THSD7B: variants seen among roughly 807,000 people sequenced by gnomAD.
THSD7B encodes the protein thrombospondin type-1 domain-containing protein 7B.
A neutral mutation model predicts 213.6 loss-of-function variants in THSD7B; 138 were observed. That is an observed-to-expected ratio of 0.65 (90% confidence interval 0.56 to 0.74). The LOEUF (loss-of-function observed/expected upper bound fraction) is 0.74. Among genes scored for constraint, THSD7B ranks in the 30% least tolerant of loss-of-function variants. The pLI is 0.00. For missense variants in THSD7B, 1,931 were observed against 1,991.5 expected (o/e 0.97, Z 0.58); for synonymous variants, 742 against 687.0 (o/e 1.08, Z -1.25).
chr2:137,426,096 A>G (rs577968942), intron 14 of THSD7B, among the ~76,000 whole-genome samples: 8 of 152,218 alleles, frequency 5.3e-5, no homozygotes, highest in Non-Finnish European at 8.8e-5. Flanking sequence ...CATTTTAAGA[A>G]TAAAATACTT....
chr2:137,155,126 A>G (rs1001264699), intron 5 of THSD7B, among the ~76,000 whole-genome samples: 1 of 152,278 alleles, frequency 6.6e-6, no homozygotes, highest in Non-Finnish European at 1.5e-5. Context: ...CTTGGCATTT[A>G]GAAAGATGCC....
intron 5 of THSD7B, among the ~76,000 whole-genome samples, chr2:137,126,382 C>G (rs1047766267): frequency 3.1e-4 from 47 of 152,174 alleles, no homozygotes; most frequent in African/African-American, 1.1e-3. Flanking sequence ...TCACTTTGCA[C>G]CTTTTTGCTA....
At chr2:137,501,186 C>G (rs1286971964) in intron 15 of THSD7B, among the ~76,000 whole-genome samples, 1 of 151,482 alleles carries the variant, frequency 6.6e-6, no homozygotes, top group East Asian at 1.9e-4. Context: ...GCATCTGCCC[C>G]TTTTGGAATA....
At chr2:136,948,029 T>C (rs1684973537) in intron 2 of THSD7B, among the ~76,000 whole-genome samples, 1 of 152,166 alleles carries the variant, frequency 6.6e-6, no homozygotes, top group African/African-American at 2.4e-5. Context: ...GCACTCTGAG[T>C]TTACATGACC....
intron 7 of THSD7B, among the ~76,000 whole-genome samples, chr2:137,179,190 T>C (rs189776561): frequency 1.3e-5 from 2 of 152,300 alleles, no homozygotes; most frequent in East Asian, 3.9e-4. Flanking sequence ...AATGTGAGAT[T>C]GTCACCCTTG....
chr2:137,588,654 A>G (rs1238739824), intron 17 of THSD7B, among the ~76,000 whole-genome samples: 2 of 152,050 alleles, frequency 1.3e-5, no homozygotes, highest in Admixed American at 1.3e-4. Flanking sequence ...AGTCTCATGT[A>G]TCTGTGATTA....
intron 12 of THSD7B, among the ~76,000 whole-genome samples, chr2:137,277,020 G>T (rs750306250): frequency 6.6e-6 from 1 of 151,860 alleles, no homozygotes; most frequent in African/African-American, 2.4e-5. Context: ...CTAAATTATT[G>T]TAATAATATA....
Position 137,411,722 on chromosome 2 carries a change from T to C in THSD7B, c.2809T>C (p.Cys937Arg). Reference sequence around the variant, plus strand: ...CCAACCTTATGGAAACTGGTCAGATTGCATTCTTCCAGAAGGCAGAAGGGA... The same window carrying C: ...CCAACCTTATGGAAACTGGTCAGATCGCATTCTTCCAGAAGGCAGAAGGGA... ...ISQPYGNWSD[C>R]ILPEGRREPH... The change falls in exon 14 of 28, where the codon TGC (cysteine) becomes CGC (arginine). Residue 937 changes from cysteine to arginine, a missense_variant. Cys to Arg is a radical substitution (Grantham distance 180). Coordinates refer to ENST00000409968, the MANE Select transcript of THSD7B (RefSeq NM_001316349.2). The C allele has an allele frequency of 6.2e-7, 1 of 1,613,970 alleles. No individual in the cohort carries two copies. The highest frequency in any genetic ancestry group is 1.1e-5 in the South Asian group (1 of 91,088).
intron 12 of THSD7B, among the ~76,000 whole-genome samples, chr2:137,384,738 TC>T (rs1685854720): frequency 6.6e-6 from 1 of 152,060 alleles, no homozygotes; most frequent in African/African-American, 2.4e-5. Flanking sequence ...TTTCAGGTGC[TC>T]CCTGAGTTCT....
chr2:137,404,674 C>T (rs1003590897), intron 12 of THSD7B, among the ~76,000 whole-genome samples: 2 of 150,146 alleles, frequency 1.3e-5, no homozygotes, highest in African/African-American at 4.9e-5. Context: ...ATTACTCAAC[C>T]ATAAAAAGGA....
chr2:137,626,463 CAAAA>C (rs34778966), intron 20 of THSD7B, among the ~76,000 whole-genome samples: 10 of 93,622 alleles, frequency 1.1e-4, no homozygotes, highest in African/African-American at 1.5e-4. Flanking sequence ...GACTCTGTCT[CAAAA>C]AAAAAAAAAA....
intron 20 of THSD7B, among the ~76,000 whole-genome samples, chr2:137,638,774 G>T (rs953552163): frequency 1.3e-5 from 2 of 152,152 alleles, no homozygotes; most frequent in Non-Finnish European, 2.9e-5. Context: ...GAGGAAAGGT[G>T]ACTCTTGTTA....
intron 1 of THSD7B, among the ~76,000 whole-genome samples, chr2:136,842,562 T>C (rs1682936525): frequency 6.6e-6 from 1 of 152,200 alleles, no homozygotes; most frequent in African/African-American, 2.4e-5. Flanking sequence ...CTCAGGGTTA[T>C]TAGGAGAATA....
chr2:137,073,417 G>A (rs1372725050), intron 3 of THSD7B, among the ~76,000 whole-genome samples: 1 of 152,130 alleles, frequency 6.6e-6, no homozygotes, highest in Non-Finnish European at 1.5e-5. Flanking sequence ...ATTCTCTGAT[G>A]GTAGTTTGTA....
chr2:136,960,237 C>T (rs978528204), intron 2 of THSD7B, among the ~76,000 whole-genome samples: 2 of 152,078 alleles, frequency 1.3e-5, no homozygotes, highest in South Asian at 2.1e-4. Context: ...AAGTGATCCC[C>T]GCACCACAAC....
At chr2:136,793,893 GC>G (rs1682013051) in intron 1 of THSD7B, among the ~76,000 whole-genome samples, 1 of 151,614 alleles carries the variant, frequency 6.6e-6, no homozygotes, top group South Asian at 2.1e-4. Flanking sequence ...CATTTGTAAA[GC>G]CTTCTGGGCT....
chr2:137,195,351 A>G (rs183471701), intron 7 of THSD7B, among the ~76,000 whole-genome samples: 47 of 151,346 alleles, frequency 3.1e-4, no homozygotes, highest in African/African-American at 1.1e-3. Flanking sequence ...CAGTAGCAAC[A>G]AGCCACTCCT....
intron 14 of THSD7B, among the ~76,000 whole-genome samples, chr2:137,416,251 C>G (rs536519293): frequency 2.3e-4 from 35 of 152,254 alleles, no homozygotes; most frequent in East Asian, 1.9e-4. Flanking sequence ...GAAAATGTGT[C>G]CAAGCCATGG....
chr2:136,796,378 T>C (rs1255430495), intron 1 of THSD7B, among the ~76,000 whole-genome samples: 2 of 151,874 alleles, frequency 1.3e-5, no homozygotes, highest in South Asian at 2.1e-4. Flanking sequence ...CGTGGGATGG[T>C]TTGTAAATTT....
Sources: gnomAD v4.1 joint callset for allele counts (sites outside exome capture counted in the v4.1 genomes callset) on GRCh38, gnomAD v4.1.1 for gene constraint, MANE v1.5 for transcripts, NCBI Gene and HGNC (gene_info 2026-07-23, HGNC 2026-07-21) for gene names.